The following KMT2A variants were observed in gnomAD, a reference collection of about 807,000 sequenced individuals.
KMT2A encodes histone-lysine N-methyltransferase 2A.
A neutral mutation model predicts 345.3 loss-of-function variants in KMT2A; 16 were observed. The ratio of observed to expected loss-of-function variants is 0.05; its 90% confidence interval spans 0.03 to 0.07. The LOEUF is 0.07. KMT2A is among the 10% of genes least tolerant of loss of function. The pLI is 1.00. For synonymous variants in KMT2A, 1,599 were observed against 1,778.6 expected (o/e 0.90, Z 2.54); for missense variants, 3,272 against 4,841.6 (o/e 0.68, Z 9.62).
intron 1 of KMT2A, chr11:118,449,858 C>T (rs557882878): frequency 2.0e-5 from 3 of 152,020 alleles, no homozygotes; most frequent in Admixed American, 6.6e-5. Flanking sequence ...GAACAACAAA[C>T]GGAAGAAAAA....
Position 118,501,865 on chromosome 11 carries a change from A to G in KMT2A, c.6505+8A>G, listed in dbSNP as rs782675548. On this transcript the variant is annotated splice_region_variant and intron_variant, in intron 26 of 35. Transcript: ENST00000534358. ...GACCGTTGCCTTCTGCAGGTAAAAG[A>G]CTTTATTGACCTACTTGACCTAAGA... is the stretch of plus-strand genomic sequence containing the variant. The G allele has an allele frequency of 2.5e-6, 4 of 1,606,638 alleles. No individual in the cohort carries two copies. The South Asian group carries it at 3.3e-5, about 13-fold the overall frequency.
At chr11:118,511,222 G>A (rs534190752) in intron 30 of KMT2A, among the ~76,000 whole-genome samples, 2 of 152,286 alleles carry the variant, frequency 1.3e-5, no homozygotes, top group African/African-American at 4.8e-5. Context: ...CTAGAGTAGA[G>A]ATGTCTGGTA....
Position 118,505,794 on chromosome 11 carries a change from C to G in KMT2A, c.9902C>G (p.Pro3301Arg), listed in dbSNP as rs781852468. The change falls in exon 27 of 36, where the codon CCG becomes CGG. Residue 3301 changes from proline to arginine, a missense_variant. By Grantham distance (103) the Pro-to-Arg change is moderately radical. Transcript: ENST00000534358. This position sits in a 1 kb window ranked among gnomAD's most constrained non-coding sequence, Gnocchi z 4.6. ...RSKSSIMYFE[P>R]APLLPQSVGG... The stretch of plus-strand genomic sequence containing the variant: ...AAATCTAGCATCATGTATTTTGAAC[C>G]GGCACCCCTGTTACCACAGAGTGTG... The G allele has an allele frequency of 2.5e-6, 4 of 1,613,952 alleles. No individual in the cohort carries two copies. The South Asian group carries it at 4.4e-5, about 18-fold the overall frequency.
intron 1 of KMT2A, among the ~76,000 whole-genome samples, chr11:118,442,386 C>CA (rs1231974717): frequency 2.0e-5 from 3 of 152,204 alleles, no homozygotes; most frequent in Non-Finnish European, 4.4e-5. Flanking sequence ...ACATTTTAAT[C>CA]AGATTCTTAA....
rs955430472 is a variant in KMT2A at position 118,521,139 on chromosome 11, T to G, written c.11514-149T>G. The G allele has an allele frequency of 1.2e-6, 1 of 835,788 alleles. No individual in the cohort carries two copies. The highest frequency in any genetic ancestry group is 2.5e-5 in the Admixed American group (1 of 40,032). The allele number at this position is 835,788 out of a possible 1,614,324, so 51.8% of individuals were successfully genotyped here. On this transcript the variant is annotated intron_variant, in intron 34 of 35. Transcript: ENST00000534358. This position sits in a 1 kb window ranked among gnomAD's most constrained non-coding sequence, Gnocchi z 5.3. ...CTTTCATCTTTGGCCATGTGTTAGA[T>G]GGCCAAATCAAGTGGGTCCAAATTT...
intron 1 of KMT2A, among the ~76,000 whole-genome samples, chr11:118,466,784 G>C (rs1410005009): frequency 6.6e-6 from 1 of 151,896 alleles, no homozygotes; most frequent in Non-Finnish European, 1.5e-5. Flanking sequence ...GGGCGACAGA[G>C]CAAGACTCTG....
chr11:118,459,268 A>T (rs1949702926), intron 1 of KMT2A, among the ~76,000 whole-genome samples: 1 of 152,168 alleles, frequency 6.6e-6, no homozygotes, highest in Non-Finnish European at 1.5e-5. Context: ...GGGTTTCACC[A>T]TGTTGGCCAG....
chr11:118,488,669 A>G lies in KMT2A; in HGVS notation c.4388A>G (p.Asn1463Ser). Residue 1463 changes from asparagine (N) to serine (S), a missense_variant, in exon 11 of 36, where the codon AAC (asparagine) becomes AGC (serine). Asn to Ser is a conservative substitution (Grantham distance 46). This residue lies in a region of KMT2A where 120 missense variants were observed against 280.4 expected (regional missense o/e 0.43). Transcript: ENST00000534358. Reference sequence around the variant, plus strand: ...TTCCACAAGTTTTGTTTAGAGGAGAACGAGCGCCCTCTGGAGGACCAGCTG... The same window carrying G: ...TTCCACAAGTTTTGTTTAGAGGAGAGCGAGCGCCCTCTGGAGGACCAGCTG... ...EPFHKFCLEE[N>S]ERPLEDQLEN... 1 of 1,614,204 alleles carries G rather than the reference A, an allele frequency of 6.2e-7. No individual in the cohort carries two copies.
intron 1 of KMT2A, among the ~76,000 whole-genome samples, chr11:118,445,961 G>C (rs1051878636): frequency 1.3e-5 from 2 of 150,646 alleles, no homozygotes; most frequent in African/African-American, 4.9e-5. Flanking sequence ...CTGAGATTCC[G>C]CCACTACACT....
rs376531474 is a variant in KMT2A at position 118,502,588 on chromosome 11, C to G, written c.6696C>G (p.Thr2232=). ...YSRNNVSSVS[T]TGTATDLESS... is the part of the protein sequence containing the mutation. ...GGAATAATGTTTCCTCAGTCTCCACCACCGGGACCGCTACTGATCTTGAAT... is the reference window on the plus strand; with the variant it reads ...GGAATAATGTTTCCTCAGTCTCCACGACCGGGACCGCTACTGATCTTGAAT... The change falls in exon 27 of 36, where the codon ACC becomes ACG. Residue 2232 remains threonine, a synonymous_variant. Coordinates refer to ENST00000534358, the MANE Select transcript of KMT2A (RefSeq NM_001197104.2). This position sits in a 1 kb window ranked among gnomAD's most constrained non-coding sequence, Gnocchi z 4.9. The G allele has an allele frequency of 7.4e-6, 12 of 1,613,992 alleles. No homozygotes were observed. The African/African-American group carries it at 1.5e-4, about 20-fold the overall frequency.
Position 118,471,798 on chromosome 11 carries a change from A to G in KMT2A, c.639A>G (p.Lys213=). 1 of 1,613,536 alleles carries G rather than the reference A, an allele frequency of 6.2e-7. No individual in the cohort carries two copies. Among genetic ancestry groups the G allele is most frequent in the East Asian group, 2.2e-5 (1 of 44,880 alleles). Residue 213 remains lysine, a synonymous_variant, in exon 3 of 36, where the codon AAA becomes AAG. Coordinates refer to ENST00000534358, the MANE Select transcript of KMT2A (RefSeq NM_001197104.2). ...AATCTGGAGATAAGATCAAGAAGAA[A>G]GATTCTAAAAGTATAGAAAAGAAGA... ...ETKSGDKIKK[K]DSKSIEKKRG... is the part of the protein sequence containing the mutation.
chr11:118,465,355 A>G (rs1355672826), intron 1 of KMT2A, among the ~76,000 whole-genome samples: 1 of 152,206 alleles, frequency 6.6e-6, no homozygotes, highest in African/African-American at 2.4e-5. Context: ...GGATGGGCTA[A>G]ATAGCTGGTA....
Position 118,506,471 on chromosome 11 carries a change from C to T in KMT2A, c.10579C>T (p.Arg3527Trp), listed in dbSNP as rs1376377461. The change falls in exon 27 of 36, where the codon CGG becomes TGG. Residue 3527 changes from arginine to tryptophan, a missense_variant. Physicochemically the swap from Arg to Trp is moderately radical, Grantham distance 101 (BLOSUM62 -3). This residue lies in a region of KMT2A where 748 missense variants were observed against 922.2 expected (regional missense o/e 0.81). Coordinates refer to ENST00000534358, the MANE Select transcript of KMT2A (RefSeq NM_001197104.2). ...TCCATCCTCTCCATCTTCTGGACAG[C>T]GGTCAGCAAGCCCTTCAGTGCCGGG... ...GSPSSPSSGQ[R>W]SASPSVPGPT... The T allele has an allele frequency of 5.0e-6, 8 of 1,614,078 alleles. No individual in the cohort carries two copies. The highest frequency in any genetic ancestry group is 6.8e-6 in the Non-Finnish European group (8 of 1,180,042).
intron 1 of KMT2A, among the ~76,000 whole-genome samples, chr11:118,457,615 C>T (rs1420669283): frequency 2.6e-5 from 4 of 151,728 alleles, no homozygotes; most frequent in Admixed American, 6.6e-5. Flanking sequence ...CCCACATCAG[C>T]TAAGGCCTCA....
intron 31 of KMT2A, among the ~76,000 whole-genome samples, chr11:118,516,994 CT>C (rs1950828892): frequency 6.6e-6 from 1 of 152,028 alleles, no homozygotes; most frequent in African/African-American, 2.4e-5. Context: ...TGAAAATATA[CT>C]TGAGTATGTA....
Position 118,520,814 on chromosome 11 carries a change from C to T in KMT2A, c.11442C>T (p.Ser3814=), listed in dbSNP as rs782686435. The change falls in exon 34 of 36, where the codon AGC becomes AGT. Residue 3814 remains serine (S), a synonymous_variant. Coordinates refer to ENST00000534358, the MANE Select transcript of KMT2A (RefSeq NM_001197104.2). This position sits in a 1 kb window ranked among gnomAD's most constrained non-coding sequence, Gnocchi z 4.3. ...VQLKSARRAT[S]MDLPMPMRFR... is the part of the protein sequence containing the mutation. ...TCTTATCTCTTAGGAGGGCAACTAG[C>T]ATGGATCTGCCAATGCCCATGCGCT... is the stretch of plus-strand genomic sequence containing the variant. 15 of 1,613,790 alleles carry T rather than the reference C, an allele frequency of 9.3e-6. No individual in the cohort carries two copies. In the South Asian group the frequency reaches 1.5e-4, roughly 17 times the overall value.
chr11:118,519,571 C>T (rs782393383), intron 31 of KMT2A, 47 bp from the exon 32 acceptor site: 1 of 1,558,934 alleles, frequency 6.4e-7, no homozygotes, highest in South Asian at 1.1e-5. Flanking sequence ...CATGCTGTTT[C>T]CTGTTGACTG....
chr11:118,438,237 AC>A (rs1417677562), intron 1 of KMT2A, among the ~76,000 whole-genome samples: 1 of 151,832 alleles, frequency 6.6e-6, no homozygotes, highest in Non-Finnish European at 1.5e-5. Context: ...TTGTAAGGGG[AC>A]CCAAGGTGGA....
Position 118,474,298 on chromosome 11 carries a change from G to A in KMT2A, c.3139G>A (p.Asp1047Asn), listed in dbSNP as rs1258907092. Residue 1047 changes from aspartate to asparagine, a missense_variant, in exon 3 of 36, where the codon GAC (aspartate) becomes AAC (asparagine). By Grantham distance (23) the Asp-to-Asn change is conservative. Around this residue, in one of 27 missense-constraint regions of KMT2A, gnomAD observed 29 missense variants for 27.1 expected, o/e 1.07. Coordinates refer to ENST00000534358, the MANE Select transcript of KMT2A (RefSeq NM_001197104.2). ...IEKSKSLKQT[D>N]QPKAQGQESD... ...GAAGAGTAAGAGTCTTAAACAAACC[G>A]ACCAGCCCAAAGCACAGGTACTCTT... The A allele has an allele frequency of 3.8e-5, 62 of 1,613,628 alleles. No homozygotes were observed. Among genetic ancestry groups the A allele is most frequent in the Admixed American group, 5.0e-5 (3 of 59,974 alleles).
Sources: allele counts gnomAD v4.1 joint callset (sites outside exome capture counted in the v4.1 genomes callset), GRCh38; gene constraint gnomAD v4.1.1; regional missense constraint gnomAD v4.1.1; non-coding constraint Gnocchi (gnomAD v3.1); transcripts MANE v1.5; gene names NCBI Gene and HGNC (gene_info 2026-07-23, HGNC 2026-07-21).